The following VRK2 variants were observed in gnomAD, a reference collection of about 807,000 sequenced individuals.
VRK2 encodes the protein serine/threonine-protein kinase VRK2.
Under a neutral mutation model 57.6 loss-of-function variants are expected in VRK2, and 60 were observed. The ratio of observed to expected loss-of-function variants is 1.04; its 90% CI spans 0.85 to 1.29. The LOEUF (loss-of-function observed/expected upper bound fraction) is 1.29, where lower values mean the gene tolerates loss of function less well. VRK2 is among the 50% of genes most tolerant of loss of function. The pLI, the probability that VRK2 is intolerant of heterozygous loss-of-function variation, is 0.00. For synonymous variants in VRK2, 231 were observed against 199.2 expected, an observed-to-expected ratio of 1.16 and a Z score of -1.35; for missense variants, 705 against 588.1, an observed-to-expected ratio of 1.20 and a Z score of -2.06.
At chr2:58,085,193 T>A (rs1379519039) in intron 4 of VRK2, among the ~76,000 whole-genome samples, 1 of 151,966 alleles carries the variant, frequency 6.6e-6, no homozygotes, top group Non-Finnish European at 1.5e-5. Flanking sequence ...CATAAAATGT[T>A]AGGTTGTTAA....
At chr2:58,014,690 T>C (rs1359258635) in intron 1 of VRK2, among the ~76,000 whole-genome samples, 1 of 152,204 alleles carries the variant, frequency 6.6e-6, no homozygotes, top group Non-Finnish European at 1.5e-5. Context: ...CAAAGATGAA[T>C]ACGGCATGAT....
chr2:58,032,332 G>C (rs1191875977), intron 2 of VRK2, among the ~76,000 whole-genome samples: 1 of 152,044 alleles, frequency 6.6e-6, no homozygotes, highest in Non-Finnish European at 1.5e-5. Context: ...AATGTATTCA[G>C]TTCTGGAGGG....
At chr2:58,092,385 T>C (rs967813912) in intron 7 of VRK2, among the ~76,000 whole-genome samples, 1 of 152,262 alleles carries the variant, frequency 6.6e-6, no homozygotes, top group Non-Finnish European at 1.5e-5. Flanking sequence ...TAGTATTCTA[T>C]TGAAAACTGC....
intron 9 of VRK2, among the ~76,000 whole-genome samples, chr2:58,134,066 CCAGAAGCCACCT>C (rs989595195): frequency 6.6e-6 from 1 of 152,064 alleles, no homozygotes; most frequent in African/African-American, 2.4e-5. Flanking sequence ...CTGGATGGCC[CCAGAAGCCACCT>C]CAGAAGCCAA....
intron 1 of VRK2, among the ~76,000 whole-genome samples, chr2:57,922,453 CTTGT>C (rs781346581): frequency 1.1e-5 from 1 of 91,548 alleles, no homozygotes; most frequent in African/African-American, 4.7e-5. Flanking sequence ...TAGTTACCTT[CTTGT>C]GTGTGTGTGT....
In VRK2 at chr2:58,109,624, A is replaced by T. The variant is rs1414378341; in HGVS notation, c.544-13477A>T. On this transcript the variant is annotated intron_variant, in intron 7 of 12. Transcript: ENST00000340157. The stretch of plus-strand genomic sequence containing the variant: ...AGGGTGAAAAGCCCCTTATAAAACC[A>T]TCAGATCTCAGGAGAATTCACTCAC... Among the ~76,000 whole-genome samples the T allele has an allele frequency of 2.0e-5, 3 of 152,194 alleles. No individual in the cohort carries two copies. The South Asian group carries it at 6.2e-4, about 31-fold the overall frequency.
intron 1 of VRK2, among the ~76,000 whole-genome samples, chr2:57,952,933 C>T (rs1671473217): frequency 6.6e-6 from 1 of 152,138 alleles, no homozygotes; most frequent in Non-Finnish European, 1.5e-5. Context: ...ACAATGATAC[C>T]TTCACCAACT....
chr2:58,040,201 G>A (rs1192069696), intron 3 of VRK2, among the ~76,000 whole-genome samples: 1 of 152,052 alleles, frequency 6.6e-6, no homozygotes, highest in Non-Finnish European at 1.5e-5. Context: ...TTTGATAATT[G>A]TGTATCTCTC....
chr2:58,066,673 T>G (rs992654461), intron 2 of VRK2, among the ~76,000 whole-genome samples: 4 of 152,206 alleles, frequency 2.6e-5, no homozygotes, highest in African/African-American at 7.2e-5. Flanking sequence ...ATGTTTTGTA[T>G]AGTTATACAG....
chr2:58,151,337 T>G (rs947515634), intron 12 of VRK2, among the ~76,000 whole-genome samples: 7 of 151,780 alleles, frequency 4.6e-5, no homozygotes, highest in African/African-American at 1.7e-4. Flanking sequence ...ATATCTTTCT[T>G]TATATCTATT....
chr2:58,147,836 G>A (rs1682397810), intron 12 of VRK2, among the ~76,000 whole-genome samples: 1 of 143,556 alleles, frequency 7.0e-6, no homozygotes, highest in South Asian at 2.2e-4. Context: ...CCATGTTCAT[G>A]CATGTATTAG....
At chr2:58,113,724 C>G (rs1404443910) in intron 7 of VRK2, among the ~76,000 whole-genome samples, 1 of 152,014 alleles carries the variant, frequency 6.6e-6, no homozygotes, top group Non-Finnish European at 1.5e-5. Context: ...GAACAAATCA[C>G]AATGGTGGAA....
chr2:58,028,739 G>A (rs1007021404), intron 2 of VRK2, among the ~76,000 whole-genome samples: 1 of 150,918 alleles, frequency 6.6e-6, no homozygotes, highest in Non-Finnish European at 1.5e-5. Flanking sequence ...CCTGTTGTGG[G>A]GTTGGGGGAG....
chr2:57,916,311 C>A (rs1031854186), intron 1 of VRK2, among the ~76,000 whole-genome samples: 5 of 150,714 alleles, frequency 3.3e-5, no homozygotes, highest in Admixed American at 2.0e-4. Context: ...GAAGTTGAGG[C>A]AGGAGAATCG....
chr2:58,036,460 A>G (rs1452786334), intron 3 of VRK2, among the ~76,000 whole-genome samples: 1 of 152,008 alleles, frequency 6.6e-6, no homozygotes, highest in African/African-American at 2.4e-5. Context: ...CTTTGTTGTA[A>G]TAGGTAAAAA....
intron 8 of VRK2, among the ~76,000 whole-genome samples, chr2:58,130,559 G>C (rs1365259456): frequency 6.6e-6 from 1 of 152,152 alleles, no homozygotes; most frequent in African/African-American, 2.4e-5. Flanking sequence ...CATGTCTTCT[G>C]CTTTTATAAT....
chr2:58,065,231 C>T (rs932263625), intron 2 of VRK2, among the ~76,000 whole-genome samples: 2 of 152,098 alleles, frequency 1.3e-5, no homozygotes, highest in African/African-American at 4.8e-5. Context: ...GGATACAGGA[C>T]AGATTCATCA....
chr2:57,946,063 C>T (rs1340560279), intron 1 of VRK2, among the ~76,000 whole-genome samples: 1 of 152,054 alleles, frequency 6.6e-6, no homozygotes, highest in Non-Finnish European at 1.5e-5. Context: ...ATATATTTTG[C>T]AAGCTTTTAC....
chr2:57,933,314 T>TC (rs1553363022), intron 1 of VRK2, among the ~76,000 whole-genome samples: 7 of 130,162 alleles, frequency 5.4e-5, no homozygotes, highest in South Asian at 2.5e-4. Flanking sequence ...TTTTTCTTTT[T>TC]TTTTTTTTTT....
Sources: gnomAD v4.1 joint callset for allele counts (sites outside exome capture counted in the v4.1 genomes callset) on GRCh38, gnomAD v4.1.1 for gene constraint, MANE v1.5 for transcripts, NCBI Gene and HGNC (gene_info 2026-07-23, HGNC 2026-07-21) for gene names.